FBXO32: variants seen among roughly 807,000 people sequenced by gnomAD.
The protein encoded by FBXO32 is F-box protein 32.
Under a neutral mutation model 48.3 loss-of-function variants are expected in FBXO32, and 15 were observed. The observed-to-expected ratio is 0.31, with a 90% CI of 0.21 to 0.48. The LOEUF is 0.48. Among genes scored for constraint, FBXO32 ranks in the 20% least tolerant of loss-of-function variants. The pLI is 0.99. For synonymous variants in FBXO32, 154 were observed against 165.9 expected (o/e 0.93, Z 0.55); for missense variants, 309 against 432.7 (o/e 0.71, Z 2.54).
chr8:123,507,803 G>T (rs1402820940), intron 6 of FBXO32, among the ~76,000 whole-genome samples: 1 of 152,086 alleles, frequency 6.6e-6, no homozygotes, highest in African/African-American at 2.4e-5. Flanking sequence ...TGCCTACTAT[G>T]GCCTGGTGCT....
In FBXO32 at chr8:123,513,117, G is replaced by A; in HGVS notation, c.651+81C>T. On this transcript the variant is annotated intron_variant, in intron 6 of 8. Coordinates refer to ENST00000517956, the MANE Select transcript of FBXO32 (RefSeq NM_058229.4). The surrounding 1 kb of genome is among the most constrained non-coding windows in gnomAD (Gnocchi z 4.3). ...GACCAGACTCTTCCGTCACAGGAGTGAATTCAAAGTCTTGGCGAGTCTGTC... is the reference window on the plus strand; with the variant it reads ...GACCAGACTCTTCCGTCACAGGAGTAAATTCAAAGTCTTGGCGAGTCTGTC... The A allele has an allele frequency of 2.8e-6, 4 of 1,426,814 alleles. No individual in the cohort carries two copies. The highest frequency in any genetic ancestry group is 3.9e-6 in the Non-Finnish European group (4 of 1,023,840). 88.4% of individuals were successfully genotyped at this position (1,426,814 alleles called of 1,614,324 possible).
chr8:123,539,469 T>C (rs1817371207), intron 1 of FBXO32, among the ~76,000 whole-genome samples: 1 of 152,208 alleles, frequency 6.6e-6, no homozygotes, highest in Admixed American at 6.5e-5. Context: ...AATTACTTGA[T>C]TTTACGTAAA....
At chr8:123,517,590 G>T (rs1165597715) in intron 4 of FBXO32, among the ~76,000 whole-genome samples, 1 of 151,624 alleles carries the variant, frequency 6.6e-6, no homozygotes, top group Admixed American at 6.6e-5. Flanking sequence ...CATTCATTTA[G>T]CAAGTATTTT....
At chr8:123,505,232 C>T (rs1371954806) in intron 7 of FBXO32, among the ~76,000 whole-genome samples, 1 of 152,136 alleles carries the variant, frequency 6.6e-6, no homozygotes, top group East Asian at 1.9e-4. Flanking sequence ...AAACTTGAGG[C>T]AGCATGATGA....
intron 4 of FBXO32, among the ~76,000 whole-genome samples, chr8:123,515,538 C>T (rs1003632457): frequency 5.9e-5 from 9 of 151,984 alleles, no homozygotes; most frequent in African/African-American, 2.2e-4. Context: ...CATGAGCCAC[C>T]GCGCCCCGCC....
chr8:123,528,178 C>T (rs1563925424), intron 4 of FBXO32, among the ~76,000 whole-genome samples: 3 of 152,180 alleles, frequency 2.0e-5, no homozygotes, highest in East Asian at 1.9e-4. Context: ...TAACAAGCTT[C>T]GAAGGTGATT....
intron 4 of FBXO32, among the ~76,000 whole-genome samples, chr8:123,518,661 T>C (rs949241601): frequency 6.6e-6 from 1 of 152,148 alleles, no homozygotes; most frequent in Admixed American, 6.6e-5. Context: ...GCACTATACA[T>C]TTGTAATCTT....
intron 2 of FBXO32, among the ~76,000 whole-genome samples, chr8:123,534,196 C>T (rs1292886669): frequency 6.6e-6 from 1 of 150,960 alleles, no homozygotes; most frequent in Non-Finnish European, 1.5e-5. Context: ...TTACATAAGT[C>T]CATGAAAATC....
At chr8:123,530,033 T>G (rs983234439) in intron 4 of FBXO32, among the ~76,000 whole-genome samples, 1 of 152,178 alleles carries the variant, frequency 6.6e-6, no homozygotes, top group Non-Finnish European at 1.5e-5. Flanking sequence ...GACTAGTCTG[T>G]GGGCCCTAGG....
At chr8:123,527,585 AT>A (rs1817112281) in intron 4 of FBXO32, among the ~76,000 whole-genome samples, 1 of 152,170 alleles carries the variant, frequency 6.6e-6, no homozygotes, top group Non-Finnish European at 1.5e-5. Context: ...TCCATTGCAA[AT>A]AGGCTAATCT....
chr8:123,504,804 G>A (rs1816579637), intron 7 of FBXO32, 57 bp from the exon 8 acceptor site: 1 of 1,559,570 alleles, frequency 6.4e-7, no homozygotes, highest in South Asian at 1.2e-5. Context: ...AAGATGGCTT[G>A]TGGTTTTCCG....
At chr8:123,508,755 G>A (rs1376837725) in intron 6 of FBXO32, among the ~76,000 whole-genome samples, 1 of 151,998 alleles carries the variant, frequency 6.6e-6, no homozygotes, top group Non-Finnish European at 1.5e-5. Context: ...ACACTTCAAA[G>A]CCTCTACTTT....
chr8:123,523,666 T>TGGTGGTATA (rs1817012235), intron 4 of FBXO32, among the ~76,000 whole-genome samples: 1 of 151,568 alleles, frequency 6.6e-6, no homozygotes, highest in African/African-American at 2.4e-5. Context: ...GCTGGGATGC[T>TGGTGGTATA]GGTGGTATAG....
At chr8:123,503,965 G>A (rs1284564638) in intron 8 of FBXO32, among the ~76,000 whole-genome samples, 1 of 151,840 alleles carries the variant, frequency 6.6e-6, no homozygotes, top group Non-Finnish European at 1.5e-5. Context: ...TGTAGTCCCA[G>A]ATACTCGGGG....
intron 4 of FBXO32, among the ~76,000 whole-genome samples, chr8:123,527,434 G>A (rs1817103164): frequency 6.6e-6 from 1 of 152,160 alleles, no homozygotes; most frequent in Non-Finnish European, 1.5e-5. Flanking sequence ...TCCCAATAAT[G>A]CAGTTTCTCA....
At chr8:123,523,544 C>T (rs554936041) in intron 4 of FBXO32, among the ~76,000 whole-genome samples, 199 of 152,012 alleles carry the variant, frequency 1.3e-3, no homozygotes, top group Non-Finnish European at 1.9e-3. Flanking sequence ...GAGCCAAGAT[C>T]GCGGCACTGC....
Position 123,534,789 on chromosome 8 carries a change from T to C in FBXO32, c.142A>G (p.Lys48Glu). Reference protein sequence around the residue: ...SSYCNKEVYNKENLFNSLNYD... With the variant: ...SSYCNKEVYNEENLFNSLNYD... ...TTCAGGCTGTTGAAAAGATTCTCCT[T>C]ATTGTATACCTCCTTGTTGCAGTAA... Residue 48 changes from lysine to glutamate, a missense_variant, in exon 2 of 9, where the codon AAG becomes GAG. Lys to Glu is a moderately conservative substitution (Grantham distance 56, BLOSUM62 1). Coordinates refer to ENST00000517956, the MANE Select transcript of FBXO32 (RefSeq NM_058229.4). 6.2e-7 allele frequency: 1 copy of C among 1,612,830 alleles called. No individual in the cohort carries two copies. Among genetic ancestry groups the C allele is most frequent in the African/African-American group, 1.3e-5 (1 of 75,020 alleles).
intron 4 of FBXO32, among the ~76,000 whole-genome samples, chr8:123,517,798 A>T (rs907593747): frequency 3.3e-5 from 5 of 152,240 alleles, no homozygotes; most frequent in African/African-American, 1.2e-4. Flanking sequence ...GAATTAAGTA[A>T]GATAAATATG....
intron 1 of FBXO32, among the ~76,000 whole-genome samples, chr8:123,535,962 A>C (rs925140351): frequency 6.6e-6 from 1 of 152,076 alleles, no homozygotes; most frequent in East Asian, 1.9e-4. Context: ...GTACATCTGC[A>C]CTTCTCTATT....
Sources: gnomAD v4.1 joint callset for allele counts (sites outside exome capture counted in the v4.1 genomes callset) on GRCh38, gnomAD v4.1.1 for gene constraint, Gnocchi (gnomAD v3.1) non-coding constraint, MANE v1.5 for transcripts, NCBI Gene and HGNC (gene_info 2026-07-23, HGNC 2026-07-21) for gene names.